NEK10: variants seen among roughly 807,000 people sequenced by gnomAD.
NEK10 encodes the protein serine/threonine-protein kinase Nek10.
In NEK10, 122 loss-of-function variants were observed where a neutral mutation model predicts 159.8. The observed-to-expected ratio is 0.76, with a 90% confidence interval of 0.66 to 0.89. The LOEUF (loss-of-function observed/expected upper bound fraction) is 0.89. Ranked by LOEUF, NEK10 falls within the 40% of genes least tolerant of loss-of-function variation. NEK10 has a pLI of 0.00. For missense variants in NEK10, 1,342 were observed against 1,323.1 expected (o/e 1.01, Z -0.22); for synonymous variants, 466 against 457.1 (o/e 1.02, Z -0.25).
rs538562739 is a variant in NEK10, at chr3:27,143,712, A to C, written c.2870-2130T>G. On this transcript the variant is annotated intron_variant, in intron 30 of 35. Coordinates refer to ENST00000691995, the MANE Select transcript of NEK10 (RefSeq NM_001394966.1). ...AAGCAAGCAAACAAACAAAAATGTT[A>C]GTTGTACAAATGAGATTCAAGGCTC... 2.9e-4 allele frequency among the ~76,000 whole-genome samples: 44 copies of C among 152,290 alleles called. No homozygotes were observed. The South Asian group carries it at 8.9e-3, about 31-fold the overall frequency.
In NEK10 at chr3:27,190,522, A is replaced by G. The variant is rs141441132; in HGVS notation, c.2505+1507T>C. Among the ~76,000 whole-genome samples the G allele has an allele frequency of 9.2e-5, 14 of 152,332 alleles. No individual in the cohort carries two copies. The East Asian group carries it at 2.7e-3, about 29-fold the overall frequency. ...TTTTTTAAGCTGAGAAGTGTAAATA[A>G]ATAGATAAGTAATGGTCCTTCTCAA... On this transcript the variant is annotated intron_variant, in intron 26 of 35. Coordinates refer to ENST00000691995, the MANE Select transcript of NEK10 (RefSeq NM_001394966.1).
chr3:27,194,251 C>T (rs1015288967), intron 25 of NEK10: 161 of 152,382 alleles, frequency 1.1e-3, no homozygotes, highest in African/African-American at 3.8e-3. Context: ...TCAGCCTCTC[C>T]TAGCAGCTGG....
At chr3:27,179,028 G>A (rs531849431) in intron 26 of NEK10, among the ~76,000 whole-genome samples, 1 of 152,152 alleles carries the variant, frequency 6.6e-6, no homozygotes, top group Non-Finnish European at 1.5e-5. Flanking sequence ...TCGGTCTTCT[G>A]AGTAGCTGGA....
chr3:27,332,425 T>G (rs1005089806), intron 5 of NEK10, among the ~76,000 whole-genome samples: 3 of 152,242 alleles, frequency 2.0e-5, no homozygotes, highest in Non-Finnish European at 4.4e-5. Context: ...AGTTCTCTCC[T>G]ATTCTTTGTT....
chr3:27,316,488 G>A (rs1236581818), intron 6 of NEK10, among the ~76,000 whole-genome samples: 18 of 152,018 alleles, frequency 1.2e-4, no homozygotes, highest in Admixed American at 6.6e-5. Flanking sequence ...AGTGCCGCAG[G>A]CCCAGGTGAA....
At chr3:27,163,435 T>A (rs561827565) in intron 29 of NEK10, among the ~76,000 whole-genome samples, 5 of 151,882 alleles carry the variant, frequency 3.3e-5, no homozygotes, top group African/African-American at 7.3e-5. Flanking sequence ...CACTGAAACC[T>A]CCACCTCCCA....
At chr3:27,268,396 C>T (rs2041073592) in intron 22 of NEK10, among the ~76,000 whole-genome samples, 1 of 152,164 alleles carries the variant, frequency 6.6e-6, no homozygotes, top group Non-Finnish European at 1.5e-5. Flanking sequence ...GGCTTCAAAG[C>T]TTCAAAGAAC....
At chr3:27,238,552 T>A (rs1954204684) in intron 23 of NEK10, among the ~76,000 whole-genome samples, 1 of 152,198 alleles carries the variant, frequency 6.6e-6, no homozygotes, top group Non-Finnish European at 1.5e-5. Flanking sequence ...TTCCTTTAAT[T>A]TCTAATTCAC....
intron 6 of NEK10, among the ~76,000 whole-genome samples, chr3:27,319,106 C>T (rs2045432960): frequency 6.6e-6 from 1 of 152,138 alleles, no homozygotes; most frequent in African/African-American, 2.4e-5. Flanking sequence ...GAGAAGTCTA[C>T]TCAATCGCAC....
rs1575608538 is a variant in NEK10 at position 27,291,146 on chromosome 3, A to T, written c.1605+116T>A. ...GACAAAAACAATCATTCTAATTTTC[A>T]TATCTGTTTGCTATTTTTCAATGAC... is the stretch of plus-strand genomic sequence containing the variant. On this transcript the variant is annotated intron_variant, in intron 18 of 35. Coordinates refer to ENST00000691995, the MANE Select transcript of NEK10 (RefSeq NM_001394966.1). 15 of 958,548 alleles carry T rather than the reference A, an allele frequency of 1.6e-5. No homozygotes were observed. In the East Asian group the frequency reaches 3.6e-4, roughly 23 times the overall value. 59.4% of individuals were successfully genotyped at this position (958,548 alleles called of 1,614,324 possible).
In NEK10 at chr3:27,338,093, C is replaced by G. The variant is rs1363180615; in HGVS notation, c.362+6179G>C. ...ATTTCTCCTAATGCTATCCCTCTCC[C>G]AGCCCCCCAACAGGCTCCGGTATGT... On this transcript the variant is annotated intron_variant, in intron 5 of 35. Coordinates refer to ENST00000691995, the MANE Select transcript of NEK10 (RefSeq NM_001394966.1). 2.0e-5 allele frequency among the ~76,000 whole-genome samples: 3 copies of G among 152,150 alleles called. No homozygotes were observed. The South Asian group carries it at 6.2e-4, about 32-fold the overall frequency.
chr3:27,320,587 G>T (rs1227875894), intron 6 of NEK10, among the ~76,000 whole-genome samples: 4 of 152,156 alleles, frequency 2.6e-5, no homozygotes, highest in African/African-American at 9.7e-5. Context: ...GCGATAAGCA[G>T]CTCAGAAATG....
At chr3:27,304,047 A>G (rs561911655) in intron 12 of NEK10, among the ~76,000 whole-genome samples, 4 of 152,346 alleles carry the variant, frequency 2.6e-5, no homozygotes, top group South Asian at 4.1e-4. Flanking sequence ...CAGAAAATAC[A>G]GAAGTTAGTT....
chr3:27,241,069 G>A (rs1954507344), intron 23 of NEK10, among the ~76,000 whole-genome samples: 2 of 152,124 alleles, frequency 1.3e-5, no homozygotes, highest in Non-Finnish European at 2.9e-5. Context: ...CAGTCTCTCT[G>A]GGCATGACTG....
At chr3:27,189,322 T>C (rs1480247279) in intron 26 of NEK10, among the ~76,000 whole-genome samples, 1 of 152,098 alleles carries the variant, frequency 6.6e-6, no homozygotes, top group Non-Finnish European at 1.5e-5. Context: ...AATAGAATAC[T>C]TCCCCATGAA....
At chr3:27,235,160 C>T (rs181576950) in intron 23 of NEK10, among the ~76,000 whole-genome samples, 9 of 152,160 alleles carry the variant, frequency 5.9e-5, no homozygotes, top group Admixed American at 5.2e-4. Flanking sequence ...ACTATAAAAA[C>T]CCTAGAAGAA....
chr3:27,307,908 C>T lies in NEK10; in HGVS notation c.754G>A (p.Val252Ile). Reference sequence around the variant, plus strand: ...TGTAAAATCATCAACAGATTTTCTACAATGTTGAGTTCACTTATCTTCTCC... The same window carrying T: ...TGTAAAATCATCAACAGATTTTCTATAATGTTGAGTTCACTTATCTTCTCC... ...CREKISELNI[V>I]ENLLMILHEY... is the part of the protein sequence containing the mutation. The change falls in exon 11 of 36, where the codon GTA becomes ATA. Residue 252 changes from valine (V) to isoleucine (I), a missense_variant. Coordinates refer to ENST00000691995, the MANE Select transcript of NEK10 (RefSeq NM_001394966.1). 6.4e-7 allele frequency: 1 copy of T among 1,562,528 alleles called. No homozygotes were observed. Among genetic ancestry groups the T allele is most frequent in the Non-Finnish European group, 8.8e-7 (1 of 1,133,994 alleles).
intron 22 of NEK10, among the ~76,000 whole-genome samples, chr3:27,275,688 A>C (rs1040220594): frequency 2.0e-5 from 3 of 152,204 alleles, no homozygotes; most frequent in Non-Finnish European, 4.4e-5. Context: ...GTATATGAGT[A>C]ATGTGCACAT....
At chr3:27,186,984 C>T (rs1433757561) in intron 26 of NEK10, among the ~76,000 whole-genome samples, 2 of 152,062 alleles carry the variant, frequency 1.3e-5, no homozygotes, top group Non-Finnish European at 2.9e-5. Flanking sequence ...GAGTAGGCTG[C>T]TTAAACTAAG....
Sources: allele counts gnomAD v4.1 joint callset (sites outside exome capture counted in the v4.1 genomes callset), GRCh38; gene constraint gnomAD v4.1.1; transcripts MANE v1.5; gene names NCBI Gene and HGNC (gene_info 2026-07-23, HGNC 2026-07-21).